The following MFAP3L variants were observed in gnomAD, a reference collection of about 807,000 sequenced individuals.
The protein encoded by MFAP3L is microfibrillar-associated protein 3-like.
In MFAP3L, 5 loss-of-function variants were observed where a neutral mutation model predicts 20.0. The ratio of observed to expected loss-of-function variants is 0.25; its 90% CI spans 0.13 to 0.53. The LOEUF (loss-of-function observed/expected upper bound fraction) is 0.53, where lower values mean the gene tolerates loss of function less well. Ranked by LOEUF, MFAP3L falls within the 20% of genes least tolerant of loss-of-function variation. The probability of loss-of-function intolerance (pLI) is 0.96; values close to 1 mark genes in which losing one functional copy is unlikely to be tolerated. For synonymous variants in MFAP3L, 219 were observed against 213.0 expected, an observed-to-expected ratio of 1.03 and a Z score of -0.25; for missense variants, 409 against 527.5, an observed-to-expected ratio of 0.78 and a Z score of 2.20.
chr4:170,005,240 T>A (rs1261023275), intron 2 of MFAP3L: 2 of 345,888 alleles, frequency 5.8e-6, no homozygotes, highest in Non-Finnish European at 1.0e-5. Context: ...GCCATCTCCA[T>A]GAAAGAAAAC....
intron 1 of MFAP3L, among the ~76,000 whole-genome samples, chr4:170,012,627 T>C (rs1448495613): frequency 6.6e-6 from 1 of 152,164 alleles, no homozygotes; most frequent in Non-Finnish European, 1.5e-5. Flanking sequence ...GACATTTACA[T>C]ATAAAAACTC....
At chr4:170,000,433 T>C (rs1738531150) in intron 2 of MFAP3L, among the ~76,000 whole-genome samples, 1 of 152,156 alleles carries the variant, frequency 6.6e-6, no homozygotes. Flanking sequence ...AAACCTATTA[T>C]TGTGAGGATA....
At chr4:170,001,973 C>A (rs1738655060) in intron 2 of MFAP3L, 1 of 985,314 alleles carries the variant, frequency 1.0e-6, no homozygotes, top group Admixed American at 6.1e-5. Context: ...ACCTTTTCAG[C>A]AGAAACGAGA....
intron 2 of MFAP3L, among the ~76,000 whole-genome samples, chr4:170,004,640 G>A (rs1354948455): frequency 6.6e-6 from 1 of 152,094 alleles, no homozygotes; most frequent in African/African-American, 2.4e-5. Context: ...TTTTTTCAGG[G>A]CAATTAAGAT....
chr4:170,001,673 C>A (rs1208133239), intron 2 of MFAP3L, among the ~76,000 whole-genome samples: 3 of 152,310 alleles, frequency 2.0e-5, no homozygotes, highest in Middle Eastern at 3.4e-3. Flanking sequence ...CTATACATTT[C>A]TACTCACTTC....
intron 2 of MFAP3L, among the ~76,000 whole-genome samples, chr4:170,001,197 A>G (rs1448691355): frequency 2.0e-5 from 3 of 152,348 alleles, no homozygotes; most frequent in South Asian, 4.1e-4. Flanking sequence ...CTACAGTCTT[A>G]TCACTGGCTG....
intron 2 of MFAP3L, among the ~76,000 whole-genome samples, chr4:170,003,367 C>A (rs1404264837): frequency 3.3e-5 from 5 of 152,048 alleles, no homozygotes; most frequent in African/African-American, 1.2e-4. Context: ...CATCTTAGCA[C>A]CCACAAACAA....
intron 1 of MFAP3L, among the ~76,000 whole-genome samples, chr4:170,020,421 G>A (rs569026522): frequency 6.6e-6 from 1 of 152,188 alleles, no homozygotes; most frequent in East Asian, 1.9e-4. Context: ...CTTCCTTGCC[G>A]ACCTGCCTCT....
intron 1 of MFAP3L, among the ~76,000 whole-genome samples, chr4:170,023,067 T>C (rs898841063): frequency 6.6e-6 from 1 of 152,200 alleles, no homozygotes; most frequent in African/African-American, 2.4e-5. Flanking sequence ...GTGTCTACTC[T>C]GCTTAGAAGA....
At position 169,991,650 on chromosome 4, in the gene MFAP3L, A is replaced by G; in HGVS notation, c.958T>C (p.Ser320Pro). 1 of 1,614,122 alleles carries G rather than the reference A, an allele frequency of 6.2e-7. No homozygotes were observed. The highest frequency in any genetic ancestry group is 8.5e-7 in the Non-Finnish European group (1 of 1,180,034). The change falls in exon 3 of 3, where the codon TCA (serine) becomes CCA (proline). Residue 320 changes from serine to proline, a missense_variant. Ser to Pro is a moderately conservative substitution (Grantham distance 74). Around this residue, in one of 3 missense-constraint regions of MFAP3L, gnomAD observed 169 missense variants for 178.2 expected, o/e 0.95. Coordinates refer to ENST00000361618, the MANE Select transcript of MFAP3L (RefSeq NM_021647.8). The surrounding 1 kb of genome is among the most constrained non-coding windows in gnomAD (Gnocchi z 4.9). ...TCTTTTTTGGACTGCGGGTGAACTG[A>G]CACCTTGATGGCAATTTGCTGAGGT... Reference protein sequence around the residue: ...EQPQQIAIKVSVHPQSKKEHA... With the variant: ...EQPQQIAIKVPVHPQSKKEHA...
intron 1 of MFAP3L, among the ~76,000 whole-genome samples, chr4:170,023,359 G>A (rs1740154748): frequency 6.6e-6 from 1 of 152,136 alleles, no homozygotes; most frequent in Non-Finnish European, 1.5e-5. Context: ...ATTTTAATGA[G>A]TAAAGACCTC....
chr4:170,003,083 A>G (rs1466084060), intron 2 of MFAP3L, among the ~76,000 whole-genome samples: 1 of 152,170 alleles, frequency 6.6e-6, no homozygotes. Context: ...TGTTAGGTAC[A>G]CTGCTTTGTA....
At chr4:170,014,853 A>C (rs1187870424) in intron 1 of MFAP3L, among the ~76,000 whole-genome samples, 1 of 152,168 alleles carries the variant, frequency 6.6e-6, no homozygotes. Flanking sequence ...ACAATCTTAC[A>C]AAGGGTGGTT....
chr4:170,005,784 T>C lies in MFAP3L; in HGVS notation c.94A>G (p.Thr32Ala). The C allele has an allele frequency of 8.7e-6, 14 of 1,614,208 alleles. No homozygotes were observed. The highest frequency in any genetic ancestry group is 1.2e-5 in the Non-Finnish European group (14 of 1,180,032). The change falls in exon 2 of 3, where the codon ACT becomes GCT. Residue 32 changes from threonine (T) to alanine (A), a missense_variant. By Grantham distance (58) the Thr-to-Ala change is moderately conservative (BLOSUM62 0). Coordinates refer to ENST00000361618, the MANE Select transcript of MFAP3L (RefSeq NM_021647.8). ...TTAGTGCCATTTAAAGTGCTGTTAG[T>C]CACACTCTTAGCGGTGGCTAGAGTG... ...VSTLATAKSV[T>A]NSTLNGTNVV...
Position 169,991,666 on chromosome 4 carries a change from T to C in MFAP3L, c.942A>G (p.Gln314=). Residue 314 remains glutamine (Q), a synonymous_variant, in exon 3 of 3, where the codon CAA becomes CAG. Coordinates refer to ENST00000361618, the MANE Select transcript of MFAP3L (RefSeq NM_021647.8). This position sits in a 1 kb window ranked among gnomAD's most constrained non-coding sequence, Gnocchi z 4.9. ...DASSLHEQPQ[Q]IAIKVSVHPQ... ...GGTGAACTGACACCTTGATGGCAAT[T>C]TGCTGAGGTTGCTCGTGCAGCGATG... 1 of 1,614,176 alleles carries C rather than the reference T, an allele frequency of 6.2e-7. No homozygotes were observed. Among genetic ancestry groups the C allele is most frequent in the Non-Finnish European group, 8.5e-7 (1 of 1,180,032 alleles).
chr4:169,994,117 A>C lies in MFAP3L; in HGVS notation c.299-1808T>G. On this transcript the variant is annotated intron_variant, in intron 2 of 2. Coordinates refer to ENST00000361618, the MANE Select transcript of MFAP3L (RefSeq NM_021647.8). ...TGGACAAAAACAGAACAAAAGTCTAACTGATTGAAAGCTTATTCCATAGAG... is the reference window on the plus strand; with the variant it reads ...TGGACAAAAACAGAACAAAAGTCTACCTGATTGAAAGCTTATTCCATAGAG... 3 of 946,906 alleles carry C rather than the reference A, an allele frequency of 3.2e-6. No individual in the cohort carries two copies. In the African/African-American group the frequency reaches 5.3e-5, roughly 17 times the overall value. 58.7% of individuals were successfully genotyped at this position (946,906 alleles called of 1,614,324 possible).
chr4:169,998,633 A>G (rs1319119460), intron 2 of MFAP3L, among the ~76,000 whole-genome samples: 1 of 152,228 alleles, frequency 6.6e-6, no homozygotes, highest in African/African-American at 2.4e-5. Flanking sequence ...AGCTTTTAAA[A>G]TTTCCAATCT....
chr4:169,999,708 G>A (rs1000522452), intron 2 of MFAP3L, among the ~76,000 whole-genome samples: 34 of 152,178 alleles, frequency 2.2e-4, no homozygotes, highest in Non-Finnish European at 2.1e-4. Context: ...ACAACTCACT[G>A]AAGAAACACA....
chr4:169,994,330 T>C (rs1004839288), intron 2 of MFAP3L: 1 of 985,302 alleles, frequency 1.0e-6, no homozygotes, highest in African/African-American at 1.7e-5. Context: ...AACAGTTATC[T>C]GTAAATATAA....
Sources: gnomAD v4.1 joint callset for allele counts (sites outside exome capture counted in the v4.1 genomes callset) on GRCh38, gnomAD v4.1.1 for gene constraint, gnomAD v4.1.1 regional missense constraint, Gnocchi (gnomAD v3.1) non-coding constraint, MANE v1.5 for transcripts, NCBI Gene and HGNC (gene_info 2026-07-23, HGNC 2026-07-21) for gene names.